ZNF653: variants seen among roughly 807,000 people sequenced by gnomAD.
ZNF653 encodes zinc finger protein 653, also known as 67 kDa zinc finger protein.
ZNF653 carries 37 observed loss-of-function variants against 59.9 expected under a neutral mutation model. That is an observed-to-expected ratio of 0.62 (90% CI 0.48 to 0.81). The LOEUF (loss-of-function observed/expected upper bound fraction) is 0.81, where lower values mean the gene tolerates loss of function less well. ZNF653 is among the 40% of genes least tolerant of loss of function. The pLI is 0.00. For synonymous variants in ZNF653, 435 were observed against 371.8 expected, an observed-to-expected ratio of 1.17 and a Z score of -1.96; for missense variants, 808 against 881.1, an observed-to-expected ratio of 0.92 and a Z score of 1.05.
chr19:11,505,529 G>T lies in ZNF653; in HGVS notation c.258C>A (p.Tyr86Ter). ...GCTGGCCGCGCTCCAGAGAGATGAG[G>T]TAGGCGGCGAGCTTGGCGTCGCTCC... ...SGWSDAKLAA[Y>*]LISLERGQRS... Residue 86 changes from tyrosine to a stop codon, truncating the protein, a stop_gained, in exon 1 of 9, where the codon TAC becomes TAA. Transcript: ENST00000293771. LOFTEE classifies it high-confidence loss of function. The T allele has an allele frequency of 6.6e-7, 1 of 1,516,134 alleles. No individual in the cohort carries two copies. Among genetic ancestry groups the T allele is most frequent in the Non-Finnish European group, 8.7e-7 (1 of 1,144,126 alleles). The allele number at this position is 1,516,134 out of a possible 1,614,324, so 93.9% of individuals were successfully genotyped here.
chr19:11,500,240 CT>C (rs1971629654), intron 1 of ZNF653, among the ~76,000 whole-genome samples: 1 of 152,170 alleles, frequency 6.6e-6, no homozygotes, highest in Non-Finnish European at 1.5e-5. Flanking sequence ...GGCTCTGCCC[CT>C]GCCTCTGGCT....
rs1307327910 is a variant in ZNF653, at chr19:11,483,864, C to T, written c.1671-5G>A. The T allele has an allele frequency of 1.7e-6, 2 of 1,176,066 alleles. No homozygotes were observed. The highest frequency in any genetic ancestry group is 2.3e-6 in the Non-Finnish European group (2 of 877,446). 72.9% of individuals were successfully genotyped at this position (1,176,066 alleles called of 1,614,324 possible). On this transcript the variant is annotated splice_region_variant and splice_polypyrimidine_tract_variant and intron_variant, in intron 8 of 8. Coordinates refer to ENST00000293771, the MANE Select transcript of ZNF653 (RefSeq NM_138783.4). The stretch of plus-strand genomic sequence containing the variant: ...TGGTAGCCACAGATCTCGCACCTGC[C>T]GGGAGCCCGTGGCGGGACGGGGCGG...
intron 3 of ZNF653, among the ~76,000 whole-genome samples, chr19:11,493,455 G>C (rs1971550238): frequency 1.3e-5 from 2 of 152,226 alleles, no homozygotes; most frequent in South Asian, 4.1e-4. Context: ...TTATCTCAGT[G>C]CCATTCAGGG....
At chr19:11,490,381 G>T (rs1470103963) in intron 3 of ZNF653, among the ~76,000 whole-genome samples, 2 of 152,018 alleles carry the variant, frequency 1.3e-5, no homozygotes, top group Non-Finnish European at 2.9e-5. Flanking sequence ...TTGTTGTTCT[G>T]TTGTTGTTGT....
At chr19:11,492,936 C>A (rs977910470) in intron 3 of ZNF653, among the ~76,000 whole-genome samples, 5 of 151,794 alleles carry the variant, frequency 3.3e-5, no homozygotes, top group African/African-American at 1.2e-4. Context: ...TAGTAGAGAC[C>A]GGGTTTTGCC....
chr19:11,496,782 G>A (rs548144701), intron 2 of ZNF653, among the ~76,000 whole-genome samples: 12 of 152,198 alleles, frequency 7.9e-5, no homozygotes, highest in Non-Finnish European at 1.8e-4. Context: ...TAGGAGGATC[G>A]CTTGAGCCTG....
At position 11,487,301 on chromosome 19, in the gene ZNF653, T is replaced by C. The variant is rs1442354745; in HGVS notation, c.1162A>G (p.Thr388Ala). The C allele has an allele frequency of 6.2e-7, 1 of 1,611,492 alleles. No homozygotes were observed. The highest frequency in any genetic ancestry group is 1.7e-5 in the Admixed American group (1 of 59,946). The change falls in exon 4 of 9, where the codon ACC (threonine) becomes GCC (alanine). Residue 388 changes from threonine (T) to alanine (A), a missense_variant. Coordinates refer to ENST00000293771, the MANE Select transcript of ZNF653 (RefSeq NM_138783.4). This position sits in a 1 kb window ranked among gnomAD's most constrained non-coding sequence, Gnocchi z 5.1. ...GACAGGTCCCCCAGACCTTTCTTGG[T>C]CTCGATGCCTGCTACTGCGGTGGCG... Reference protein sequence around the residue: ...MDATAVAGIETKKEKEDLCLL... With the variant: ...MDATAVAGIEAKKEKEDLCLL...
At chr19:11,499,692 G>A (rs1254700273) in intron 1 of ZNF653, among the ~76,000 whole-genome samples, 1 of 150,868 alleles carries the variant, frequency 6.6e-6, no homozygotes, top group African/African-American at 2.4e-5. Context: ...CGGGTGCATC[G>A]CTTGAGGCCA....
At chr19:11,486,293 G>A (rs1971464923) in intron 6 of ZNF653, among the ~76,000 whole-genome samples, 1 of 152,206 alleles carries the variant, frequency 6.6e-6, no homozygotes, top group South Asian at 2.1e-4. Context: ...CTATATGCCA[G>A]GCTCTGGACT....
rs1971580268 is a variant in ZNF653, at chr19:11,495,780, C to A, written c.559+170G>T. ...AAGCTCTGTAAGGACGCAAAGAGGGCAAGGCCACGAAGGACTCAGCCTGGC... is the reference window on the plus strand; with the variant it reads ...AAGCTCTGTAAGGACGCAAAGAGGGAAAGGCCACGAAGGACTCAGCCTGGC... On this transcript the variant is annotated intron_variant, in intron 3 of 8. Transcript: ENST00000293771. This position sits in a 1 kb window ranked among gnomAD's most constrained non-coding sequence, Gnocchi z 4.9. 1 of 674,018 alleles carries A rather than the reference C, an allele frequency of 1.5e-6. No homozygotes were observed. Among genetic ancestry groups the A allele is most frequent in the Non-Finnish European group, 2.5e-6 (1 of 400,784 alleles). 41.8% of individuals were successfully genotyped at this position (674,018 alleles called of 1,614,324 possible). A position where few individuals can be genotyped will look rare whatever the true frequency, so the allele number is the denominator to read the frequency against.
chr19:11,497,252 C>G (rs1971598071), intron 2 of ZNF653, among the ~76,000 whole-genome samples: 1 of 152,260 alleles, frequency 6.6e-6, no homozygotes, highest in Admixed American at 6.5e-5. Context: ...TCCTCAAGAG[C>G]AGGAACACTG....
In ZNF653 at chr19:11,495,206, G is replaced by A. The variant is rs1456630518; in HGVS notation, c.559+744C>T. Among the ~76,000 whole-genome samples, 1 of 152,132 alleles carries A rather than the reference G, an allele frequency of 6.6e-6. No individual in the cohort carries two copies. The highest frequency in any genetic ancestry group is 1.9e-4 in the East Asian group (1 of 5,182). On this transcript the variant is annotated intron_variant, in intron 3 of 8. Coordinates refer to ENST00000293771, the MANE Select transcript of ZNF653 (RefSeq NM_138783.4). The surrounding 1 kb of genome is among the most constrained non-coding windows in gnomAD (Gnocchi z 4.9). ...CATTGCCGAACCCCTGAGGCTGCCG[G>A]CAGCCCCCTCACCACTCACCGGGGC... is the stretch of plus-strand genomic sequence containing the variant.
intron 2 of ZNF653, 139 bp from the exon 3 acceptor site, chr19:11,496,304 T>A: frequency 4.9e-6 from 4 of 809,394 alleles, no homozygotes; most frequent in South Asian, 1.8e-5. Context: ...GTACCCAGTT[T>A]AAAGGGGGAA....
At chr19:11,505,296 G>A in intron 1 of ZNF653, 192 bp downstream of exon 1, 2 of 561,814 alleles carry the variant, frequency 3.6e-6, no homozygotes, top group South Asian at 2.9e-5. Context: ...TGGGCAGTCG[G>A]AACGATGGGA....
chr19:11,505,179 T>C, intron 1 of ZNF653: 1 of 319,132 alleles, frequency 3.1e-6, no homozygotes, highest in Non-Finnish European at 5.7e-6. Flanking sequence ...CCTGGTTAGT[T>C]ACAAGGCCTG....
chr19:11,483,616 C>T lies in ZNF653; in HGVS notation c.*66G>A, dbSNP rs146553996. On this transcript the variant is annotated 3_prime_UTR_variant, in exon 9 of 9. Transcript: ENST00000293771. ...CGGGCGGCCCTCGCAGCTGTCCAGGCCCCGGCAAGCCCGGGCGTGGTGTCC... is the reference window on the plus strand; with the variant it reads ...CGGGCGGCCCTCGCAGCTGTCCAGGTCCCGGCAAGCCCGGGCGTGGTGTCC... 15,947 of 1,562,570 alleles carry T rather than the reference C, an allele frequency of 0.01. 108 individuals are homozygous for T. The highest frequency in any genetic ancestry group is 0.012 in the Non-Finnish European group (13,255 of 1,148,166).
chr19:11,498,172 G>A, intron 2 of ZNF653, 124 bp downstream of exon 2: 1 of 1,300,016 alleles, frequency 7.7e-7, no homozygotes, highest in Non-Finnish European at 1.1e-6. Flanking sequence ...CCGGGTTTGA[G>A]GTCGGGCTCT....
At chr19:11,504,591 A>T (rs1371656074) in intron 1 of ZNF653, 1 of 984,844 alleles carries the variant, frequency 1.0e-6, no homozygotes, top group East Asian at 1.1e-4. Flanking sequence ...ACTTAGCAGG[A>T]TCTGTTTGAT....
chr19:11,484,371 G>C (rs532671570), intron 7 of ZNF653, among the ~76,000 whole-genome samples: 22 of 152,128 alleles, frequency 1.4e-4, no homozygotes, highest in African/African-American at 5.3e-4. Flanking sequence ...ACACTACCAA[G>C]CCAACATGGG....
Sources: allele counts gnomAD v4.1 joint callset (sites outside exome capture counted in the v4.1 genomes callset), GRCh38; gene constraint gnomAD v4.1.1; non-coding constraint Gnocchi (gnomAD v3.1); transcripts MANE v1.5; gene names NCBI Gene and HGNC (gene_info 2026-07-23, HGNC 2026-07-21).